Variants in VPS13A observed in about 807,000 individuals in gnomAD.
VPS13A encodes the protein intermembrane lipid transfer protein VPS13A.
A neutral mutation model predicts 390.9 loss-of-function variants in VPS13A; 264 were observed. The observed-to-expected ratio is 0.68, with a 90% CI of 0.61 to 0.75. The LOEUF is 0.75. Among genes scored for constraint, VPS13A ranks in the 30% least tolerant of loss-of-function variants. The probability of loss-of-function intolerance (pLI) is 0.00; values close to 1 mark genes in which losing one functional copy is unlikely to be tolerated. For missense variants in VPS13A, 3,409 were observed against 3,733.9 expected, an observed-to-expected ratio of 0.91 and a Z score of 2.27; for synonymous variants, 1,231 against 1,227.1, an observed-to-expected ratio of 1.00 and a Z score of -0.07.
chr9:77,373,377 C>A lies in VPS13A; in HGVS notation c.9077+2228C>A, dbSNP rs1429946660. 6.3e-4 allele frequency among the ~76,000 whole-genome samples: 88 copies of A among 140,786 alleles called. 1 individual carries two copies. The highest frequency in any genetic ancestry group is 3.5e-3 in the Middle Eastern group (1 of 286). 92.4% of individuals were successfully genotyped at this position (140,786 alleles called of 152,430 possible). ...CTTTGACAAACCTGACAAAAACAAG[C>A]AATGGGGAAAGGATTCCCTATTTAA... On this transcript the variant is annotated intron_variant, in intron 67 of 71. Coordinates refer to ENST00000360280, the MANE Select transcript of VPS13A (RefSeq NM_033305.3).
chr9:77,382,289 G>A (rs757471553), intron 68 of VPS13A: 1 of 1,528,334 alleles, frequency 6.5e-7, no homozygotes, highest in Non-Finnish European at 8.8e-7. Context: ...GCATCAAAAA[G>A]TTTGATATGA....
intron 71 of VPS13A, among the ~76,000 whole-genome samples, chr9:77,409,163 G>A (rs533333174): frequency 7.9e-5 from 12 of 152,304 alleles, no homozygotes; most frequent in South Asian, 4.1e-4. Flanking sequence ...TGCAGCCTCC[G>A]CTGCTGATAC....
Position 77,369,301 on chromosome 9 carries a change from C to T in VPS13A, c.8556C>T (p.Ala2852=). The change falls in exon 63 of 72, where the codon GCC becomes GCT. Residue 2852 remains alanine, a splice_region_variant and synonymous_variant. Coordinates refer to ENST00000360280, the MANE Select transcript of VPS13A (RefSeq NM_033305.3). Reference sequence around the variant, plus strand: ...TAATGTTCATATTTTATTTTTAGGCCATTAAGCAGATGTATGTACTCATTC... The same window carrying T: ...TAATGTTCATATTTTATTTTTAGGCTATTAAGCAGATGTATGTACTCATTC... ...SEVIRHYSKQ[A]IKQMYVLILG... is the part of the protein sequence containing the mutation. 1 of 1,602,006 alleles carries T rather than the reference C, an allele frequency of 6.2e-7. No homozygotes were observed. The highest frequency in any genetic ancestry group is 8.6e-7 in the Non-Finnish European group (1 of 1,169,210).
chr9:77,408,623 A>T (rs1834745163), intron 71 of VPS13A, among the ~76,000 whole-genome samples: 1 of 152,218 alleles, frequency 6.6e-6, no homozygotes, highest in Admixed American at 6.5e-5. Context: ...GGTCTTAGCA[A>T]CCGGCACACC....
chr9:77,358,245 C>T (rs186190063), intron 56 of VPS13A, 112 bp from the exon 57 acceptor site: 60 of 941,060 alleles, frequency 6.4e-5, no homozygotes, highest in East Asian at 2.4e-4. Flanking sequence ...CGTGAGCCAC[C>T]GTGCTTGGTC....
intron 1 of VPS13A, among the ~76,000 whole-genome samples, chr9:77,194,019 G>A (rs1006209708): frequency 6.6e-6 from 1 of 152,164 alleles, no homozygotes; most frequent in African/African-American, 2.4e-5. Context: ...GTGGGGCCAA[G>A]GTGTTCCCGG....
chr9:77,400,162 A>ATTGAT (rs1184371372), intron 68 of VPS13A, among the ~76,000 whole-genome samples: 2 of 146,318 alleles, frequency 1.4e-5, no homozygotes, highest in Non-Finnish European at 3.0e-5. Context: ...GGTATGTTTA[A>ATTGAT]TTGATTTGCA....
Position 77,295,803 on chromosome 9 carries a change from A to G in VPS13A, c.3769A>G (p.Ile1257Val), listed in dbSNP as rs770035274. 2.1e-5 allele frequency: 34 copies of G among 1,613,902 alleles called. No homozygotes were observed. The highest frequency in any genetic ancestry group is 2.3e-5 in the Non-Finnish European group (27 of 1,179,948). ...GAGCCAGAGCTCTCCCCCACCTGTT[A>G]TTGATTTGATAACAATAAAGCTGAG... is the stretch of plus-strand genomic sequence containing the variant. Reference protein sequence around the residue: ...TESQSSPPPVIDLITIKLSEM... With the variant: ...TESQSSPPPVVDLITIKLSEM... Residue 1257 changes from isoleucine (I) to valine (V), a missense_variant, in exon 33 of 72, where the codon ATT (isoleucine) becomes GTT (valine). Ile to Val is a conservative substitution (Grantham distance 29). Coordinates refer to ENST00000360280, the MANE Select transcript of VPS13A (RefSeq NM_033305.3).
chr9:77,181,881 T>G (rs951894034), intron 1 of VPS13A, among the ~76,000 whole-genome samples: 2 of 152,216 alleles, frequency 1.3e-5, no homozygotes, highest in Admixed American at 6.5e-5. Context: ...GTAGACTCAC[T>G]GCTAGAAGAC....
intron 17 of VPS13A, among the ~76,000 whole-genome samples, chr9:77,231,842 G>A (rs1022578567): frequency 6.6e-5 from 10 of 152,184 alleles, no homozygotes; most frequent in South Asian, 4.2e-4. Flanking sequence ...GGTTGTGAAC[G>A]TCTACTCCAG....
intron 45 of VPS13A, among the ~76,000 whole-genome samples, chr9:77,325,529 T>C (rs553053641): frequency 6.6e-6 from 1 of 151,854 alleles, no homozygotes; most frequent in Non-Finnish European, 1.5e-5. Flanking sequence ...TTTCTATTTG[T>C]CTCATTTGTT....
At position 77,360,651 on chromosome 9, in the gene VPS13A, A is replaced by C; in HGVS notation, c.8211+10A>C. On this transcript the variant is annotated intron_variant, in intron 59 of 71. Coordinates refer to ENST00000360280, the MANE Select transcript of VPS13A (RefSeq NM_033305.3). ...GACTGAAAATACAGAGGTAAGACTT[A>C]AAATAATAACATTTGATGGAAAGGA... is the stretch of plus-strand genomic sequence containing the variant. 1 of 1,565,272 alleles carries C rather than the reference A, an allele frequency of 6.4e-7. No individual in the cohort carries two copies. Among genetic ancestry groups the C allele is most frequent in the Non-Finnish European group, 8.8e-7 (1 of 1,136,320 alleles).
At chr9:77,204,836 C>T (rs1329515809) in intron 3 of VPS13A, among the ~76,000 whole-genome samples, 1 of 152,064 alleles carries the variant, frequency 6.6e-6, no homozygotes, top group Admixed American at 6.5e-5. Flanking sequence ...GCCATGTTGC[C>T]TAGGCTGGTC....
intron 63 of VPS13A, 118 bp from the exon 64 acceptor site, chr9:77,370,138 TC>T (rs1227320491): frequency 4.5e-6 from 5 of 1,106,986 alleles, no homozygotes; most frequent in Non-Finnish European, 6.7e-6. Context: ...TGATATTACT[TC>T]CTCTGGGACA....
intron 71 of VPS13A, 115 bp downstream of exon 71, chr9:77,407,722 C>T (rs1026562854): frequency 6.8e-6 from 6 of 880,746 alleles, no homozygotes; most frequent in Middle Eastern, 3.0e-4. Flanking sequence ...GTTTGTTTTG[C>T]TTTTGTGTTT....
intron 47 of VPS13A, 51 bp downstream of exon 47, chr9:77,337,588 GT>G: frequency 1.3e-6 from 2 of 1,562,362 alleles, no homozygotes; most frequent in Non-Finnish European, 8.8e-7. Flanking sequence ...TGTAGTTTCA[GT>G]TTTTTAAGAT....
chr9:77,243,736 G>A (rs543787439), intron 19 of VPS13A, among the ~76,000 whole-genome samples: 1 of 152,284 alleles, frequency 6.6e-6, no homozygotes, highest in African/African-American at 2.4e-5. Context: ...CAGAATGGAT[G>A]TAGTTCTTGC....
At chr9:77,240,318 C>T (rs1299135272) in intron 19 of VPS13A, among the ~76,000 whole-genome samples, 2 of 151,338 alleles carry the variant, frequency 1.3e-5, no homozygotes, top group Non-Finnish European at 2.9e-5. Context: ...AACTCCTGAC[C>T]TCAGATGATC....
intron 39 of VPS13A, 59 bp downstream of exon 39, chr9:77,316,465 A>G (rs1180463732): frequency 4.7e-6 from 7 of 1,486,272 alleles, no homozygotes; most frequent in Non-Finnish European, 6.5e-6. Context: ...AGTGTATACC[A>G]TTTTAGGAAA....
Sources: allele counts gnomAD v4.1 joint callset (sites outside exome capture counted in the v4.1 genomes callset), GRCh38; gene constraint gnomAD v4.1.1; transcripts MANE v1.5; gene names NCBI Gene and HGNC (gene_info 2026-07-23, HGNC 2026-07-21).